Variants in AK5 observed in about 807,000 individuals in gnomAD.
AK5 encodes adenylate kinase 5.
Under a neutral mutation model 69.5 loss-of-function variants are expected in AK5, and 27 were observed. The ratio of observed to expected loss-of-function variants is 0.39; its 90% CI spans 0.29 to 0.54. The LOEUF is 0.54. Ranked by LOEUF, AK5 falls within the 20% of genes least tolerant of loss-of-function variation. The pLI is 0.71. For synonymous variants in AK5, 260 were observed against 244.4 expected (o/e 1.06, Z -0.60); for missense variants, 531 against 700.4 (o/e 0.76, Z 2.73).
intron 6 of AK5, among the ~76,000 whole-genome samples, chr1:77,374,320 C>G (rs766158121): frequency 1.3e-5 from 2 of 151,982 alleles, no homozygotes; most frequent in African/African-American, 2.4e-5. Flanking sequence ...AATTAATTCT[C>G]CAAGTAGTTA....
At chr1:77,515,641 C>T (rs1221037216) in intron 10 of AK5, among the ~76,000 whole-genome samples, 4 of 152,250 alleles carry the variant, frequency 2.6e-5, no homozygotes, top group Middle Eastern at 3.4e-3. Context: ...GAGCACCCGG[C>T]GCTGTTTACA....
intron 10 of AK5, among the ~76,000 whole-genome samples, chr1:77,487,766 C>T (rs1655692926): frequency 2.6e-5 from 4 of 152,202 alleles, no homozygotes; most frequent in Admixed American, 2.6e-4. Flanking sequence ...GCTTCTCCCT[C>T]CTCTGCCACT....
intron 10 of AK5, among the ~76,000 whole-genome samples, chr1:77,509,159 C>T (rs1250245692): frequency 1.3e-5 from 2 of 152,116 alleles, no homozygotes; most frequent in Non-Finnish European, 2.9e-5. Context: ...ACAGATAGTC[C>T]ATCATTCATT....
chr1:77,499,724 C>T (rs1246603488), intron 10 of AK5, among the ~76,000 whole-genome samples: 1 of 152,124 alleles, frequency 6.6e-6, no homozygotes, highest in Non-Finnish European at 1.5e-5. Flanking sequence ...AGTGAGAAAC[C>T]TGGCCGAGGC....
At chr1:77,300,256 A>G (rs1213888507) in intron 5 of AK5, among the ~76,000 whole-genome samples, 1 of 152,200 alleles carries the variant, frequency 6.6e-6, no homozygotes, top group East Asian at 1.9e-4. Flanking sequence ...GGGGTCTGTT[A>G]GCAAATTCTA....
chr1:77,336,407 C>T (rs1247224931), intron 5 of AK5, among the ~76,000 whole-genome samples: 3 of 152,264 alleles, frequency 2.0e-5, no homozygotes, highest in South Asian at 2.1e-4. Context: ...CTGATAACAA[C>T]ACTGTTTGCA....
intron 8 of AK5, among the ~76,000 whole-genome samples, chr1:77,465,103 T>C (rs1654063166): frequency 6.6e-6 from 1 of 152,176 alleles, no homozygotes; most frequent in Admixed American, 6.5e-5. Flanking sequence ...TATTGTTAGC[T>C]GGTGCAAGGT....
At chr1:77,548,898 CTTTTT>C (rs34026852) in intron 13 of AK5, among the ~76,000 whole-genome samples, 1 of 87,900 alleles carries the variant, frequency 1.1e-5, no homozygotes, top group African/African-American at 4.1e-5. Context: ...TTGCTTTTAG[CTTTTT>C]TTTTTTTTTT....
intron 8 of AK5, among the ~76,000 whole-genome samples, chr1:77,435,100 A>G (rs1651876123): frequency 6.6e-6 from 1 of 152,174 alleles, no homozygotes; most frequent in Non-Finnish European, 1.5e-5. Context: ...AAGTTTCAGG[A>G]GCTGACGAAA....
chr1:77,364,832 G>T (rs181386127), intron 6 of AK5, among the ~76,000 whole-genome samples: 1 of 152,098 alleles, frequency 6.6e-6, no homozygotes, highest in African/African-American at 2.4e-5. Flanking sequence ...AATAAACATG[G>T]GGGTACAGCT....
At position 77,300,198 on chromosome 1, in the gene AK5, T is replaced by G. The variant is rs182528104; in HGVS notation, c.699+2251T>G. Among the ~76,000 whole-genome samples the G allele has an allele frequency of 2.0e-5, 3 of 152,312 alleles. No individual in the cohort carries two copies. The East Asian group carries it at 5.8e-4, about 29-fold the overall frequency. On this transcript the variant is annotated intron_variant, in intron 5 of 13. Coordinates refer to ENST00000354567, the MANE Select transcript of AK5 (RefSeq NM_174858.3). The stretch of plus-strand genomic sequence containing the variant: ...GGTAACTCTCTGGATACCTGATCAA[T>G]CTACATCTTCTCTTATATAGCCTAG...
intron 5 of AK5, among the ~76,000 whole-genome samples, chr1:77,304,349 A>T (rs772910184): frequency 6.6e-6 from 1 of 150,868 alleles, no homozygotes; most frequent in Non-Finnish European, 1.5e-5. Context: ...ACAGGATCTC[A>T]TTCTTTTTTA....
chr1:77,478,914 C>A (rs1348795309), intron 8 of AK5, among the ~76,000 whole-genome samples: 8 of 144,152 alleles, frequency 5.5e-5, no homozygotes, highest in East Asian at 4.0e-4. Context: ...CAGAACCCAG[C>A]CTTGCAAAAG....
At chr1:77,429,178 C>A (rs1167715644) in intron 8 of AK5, among the ~76,000 whole-genome samples, 1 of 151,570 alleles carries the variant, frequency 6.6e-6, no homozygotes, top group African/African-American at 2.4e-5. Context: ...AATCGCCACA[C>A]TGACTTCCAC....
chr1:77,423,173 A>G (rs1288975318), intron 8 of AK5, among the ~76,000 whole-genome samples: 1 of 147,800 alleles, frequency 6.8e-6, no homozygotes, highest in Non-Finnish European at 1.5e-5. Flanking sequence ...GTGGGCCAAG[A>G]TAGCACCACT....
In AK5 at chr1:77,358,018, T is replaced by TGTGTGTGTGAGAGA. The variant is rs762714026; in HGVS notation, c.891+17451_891+17452insTGTGTGTGAGAGAG. 2.9e-3 allele frequency among the ~76,000 whole-genome samples: 375 copies of TGTGTGTGTGAGAGA among 128,252 alleles called. 1 individual carries two copies. The highest frequency in any genetic ancestry group is 0.013 in the East Asian group (52 of 4,018). 84.1% of individuals were successfully genotyped at this position (128,252 alleles called of 152,430 possible). On this transcript the variant is annotated intron_variant, in intron 6 of 13. Transcript: ENST00000354567. Reference sequence around the variant, plus strand: ...GTGTGTGTGTGTGTGTGTGTGTGTGTGAGAGAGAGAGAGAGAGAGAGACAG... The same window carrying TGTGTGTGTGAGAGA: ...GTGTGTGTGTGTGTGTGTGTGTGTGTGTGTGTGTGAGAGAGAGAGAGAGAGAGAGAGAGAGACAG...
intron 6 of AK5, among the ~76,000 whole-genome samples, chr1:77,368,292 T>A (rs1397991212): frequency 8.4e-6 from 1 of 118,820 alleles, no homozygotes; most frequent in Non-Finnish European, 1.7e-5. Context: ...GTTATATATA[T>A]GTTATATATA....
chr1:77,386,149 A>T (rs1465535171), intron 6 of AK5, among the ~76,000 whole-genome samples: 1 of 152,194 alleles, frequency 6.6e-6, no homozygotes, highest in East Asian at 1.9e-4. Flanking sequence ...GTAATTTTTA[A>T]TAAATCAATA....
chr1:77,444,109 C>T (rs1652514160), intron 8 of AK5, among the ~76,000 whole-genome samples: 1 of 148,926 alleles, frequency 6.7e-6, no homozygotes, highest in Non-Finnish European at 1.5e-5. Context: ...TGTCCTCTCC[C>T]TGCCACTGCC....
Sources: allele counts gnomAD v4.1 joint callset (sites outside exome capture counted in the v4.1 genomes callset), GRCh38; gene constraint gnomAD v4.1.1; transcripts MANE v1.5; gene names NCBI Gene and HGNC (gene_info 2026-07-23, HGNC 2026-07-21).